Variants in TLE4 observed in about 807,000 individuals in gnomAD.
The protein encoded by TLE4 is TLE family member 4, transcriptional corepressor.
In TLE4, 8 loss-of-function variants were observed where a neutral mutation model predicts 92.8. The ratio of observed to expected loss-of-function variants is 0.09; its 90% CI spans 0.05 to 0.16. TLE4 has a LOEUF of 0.16. Ranked by LOEUF, TLE4 falls within the 10% of genes least tolerant of loss-of-function variation. The pLI is 1.00. For missense variants in TLE4, 675 were observed against 997.6 expected (o/e 0.68, Z 4.36); for synonymous variants, 371 against 374.1 (o/e 0.99, Z 0.10).
At chr9:79,713,171 C>T (rs1209561858) in intron 14 of TLE4, among the ~76,000 whole-genome samples, 2 of 152,116 alleles carry the variant, frequency 1.3e-5, no homozygotes, top group Admixed American at 6.5e-5. Context: ...GTACTGTGCG[C>T]GTGAGAGATG....
chr9:79,581,812 G>C (rs1279237705), intron 4 of TLE4, among the ~76,000 whole-genome samples: 1 of 152,118 alleles, frequency 6.6e-6, no homozygotes, highest in Non-Finnish European at 1.5e-5. Flanking sequence ...CTGAACTTTA[G>C]GCTCATACGC....
At chr9:79,636,124 T>C (rs980694800) in intron 6 of TLE4, among the ~76,000 whole-genome samples, 8 of 152,000 alleles carry the variant, frequency 5.3e-5, no homozygotes, top group Admixed American at 1.3e-4. Flanking sequence ...TCTTATAAAA[T>C]AGAAATAGGA....
At chr9:79,591,423 G>T (rs1237779479) in intron 4 of TLE4, among the ~76,000 whole-genome samples, 3 of 152,164 alleles carry the variant, frequency 2.0e-5, no homozygotes, top group African/African-American at 7.2e-5. Flanking sequence ...GAATAATTGG[G>T]AATATAGGTT....
At chr9:79,637,720 T>C (rs1462274925) in intron 6 of TLE4, among the ~76,000 whole-genome samples, 1 of 152,196 alleles carries the variant, frequency 6.6e-6, no homozygotes, top group East Asian at 1.9e-4. Flanking sequence ...AACTGAAAGT[T>C]GTTATAAACA....
At chr9:79,635,132 T>C (rs556683231) in intron 6 of TLE4, among the ~76,000 whole-genome samples, 25 of 152,314 alleles carry the variant, frequency 1.6e-4, no homozygotes, top group South Asian at 1.0e-3. Context: ...TTGTCTGCAC[T>C]TGGAATTACA....
intron 6 of TLE4, among the ~76,000 whole-genome samples, chr9:79,636,129 A>G (rs978975957): frequency 6.6e-6 from 1 of 152,074 alleles, no homozygotes; most frequent in African/African-American, 2.4e-5. Context: ...TAAAATAGAA[A>G]TAGGATCTAT....
chr9:79,609,670 A>G (rs982567239), intron 4 of TLE4, among the ~76,000 whole-genome samples: 9 of 152,030 alleles, frequency 5.9e-5, no homozygotes, highest in African/African-American at 2.2e-4. Flanking sequence ...TGTTAATGCT[A>G]TTTTAGAATA....
At chr9:79,573,907 T>C in intron 2 of TLE4, 121 bp downstream of exon 2, 2 of 621,298 alleles carry the variant, frequency 3.2e-6, no homozygotes, top group Non-Finnish European at 4.9e-6. Context: ...TTATTTTTTT[T>C]TCTCGGTGGG....
At chr9:79,602,958 A>C (rs901587425) in intron 4 of TLE4, among the ~76,000 whole-genome samples, 3 of 151,924 alleles carry the variant, frequency 2.0e-5, no homozygotes, top group African/African-American at 7.3e-5. Flanking sequence ...GTTGATTCCA[A>C]CCCTCATGGA....
At chr9:79,606,379 T>G (rs1482495606) in intron 4 of TLE4, among the ~76,000 whole-genome samples, 3 of 150,132 alleles carry the variant, frequency 2.0e-5, no homozygotes, top group Non-Finnish European at 3.0e-5. Context: ...GTGTGTTTTT[T>G]TTTTTTTTTT....
At chr9:79,612,862 C>T (rs1422526968) in intron 5 of TLE4, 144 bp downstream of exon 5, 1 of 678,896 alleles carries the variant, frequency 1.5e-6, no homozygotes, top group African/African-American at 1.8e-5. Flanking sequence ...AGTGTTCTCA[C>T]TCCAACTTGT....
At chr9:79,644,724 C>G (rs1457036816) in intron 6 of TLE4, among the ~76,000 whole-genome samples, 2 of 152,262 alleles carry the variant, frequency 1.3e-5, no homozygotes, top group East Asian at 3.8e-4. Context: ...GGGCCCTTCC[C>G]TGTGCTTGCT....
rs2035999713 is a variant in TLE4, at chr9:79,572,108, G to A, written c.-683G>A. The stretch of plus-strand genomic sequence containing the variant: ...AGAATTAAAAAAAAAAGCCGCAAGC[G>A]TTTCACTCTTTTATTTTTATAATCC... On this transcript the variant is annotated 5_prime_UTR_variant, in exon 1 of 20. Transcript: ENST00000376552. 1 of 151,540 alleles carries A rather than the reference G, an allele frequency of 6.6e-6. No individual in the cohort carries two copies. Among genetic ancestry groups the A allele is most frequent in the Non-Finnish European group, 1.5e-5 (1 of 67,944 alleles). 9.4% of individuals were successfully genotyped at this position (151,540 alleles called of 1,614,324 possible). A position where few individuals can be genotyped will look rare whatever the true frequency, so the allele number is the denominator to read the frequency against.
chr9:79,573,294 G>C (rs1221124351), intron 1 of TLE4: 3 of 1,031,430 alleles, frequency 2.9e-6, no homozygotes, highest in Admixed American at 1.2e-4. Context: ...GGTGGCGGCC[G>C]CCTCCCTCCT....
chr9:79,595,932 T>C (rs373176660), intron 4 of TLE4, among the ~76,000 whole-genome samples: 228 of 151,712 alleles, frequency 1.5e-3, no homozygotes, highest in African/African-American at 5.0e-3. Flanking sequence ...CTGCAGGCTC[T>C]GCCTCCCGGG....
At chr9:79,672,635 G>T (rs946595884) in intron 8 of TLE4, among the ~76,000 whole-genome samples, 1 of 152,130 alleles carries the variant, frequency 6.6e-6, no homozygotes, top group African/African-American at 2.4e-5. Context: ...CCTTTGTGGG[G>T]TCAGCTGTGC....
At chr9:79,631,457 C>G (rs1002941849) in intron 6 of TLE4, among the ~76,000 whole-genome samples, 15 of 152,126 alleles carry the variant, frequency 9.9e-5, no homozygotes, top group Admixed American at 8.5e-4. Context: ...ACTATTAAAT[C>G]TATTTAAATA....
intron 8 of TLE4, among the ~76,000 whole-genome samples, chr9:79,680,364 A>T (rs1173056154): frequency 6.6e-6 from 1 of 152,128 alleles, no homozygotes; most frequent in Non-Finnish European, 1.5e-5. Flanking sequence ...TAGGTATTTT[A>T]TTCCCTTTGA....
chr9:79,674,531 G>A lies in TLE4; in HGVS notation c.609+20456G>A, dbSNP rs1022352503. ...GCCCCAGCAAGGGGCCTGCCACGTA[G>A]GAAAATACTTAAGATTATAGGAGCT... On this transcript the variant is annotated intron_variant, in intron 8 of 19. Transcript: ENST00000376552. Among the ~76,000 whole-genome samples, 7 of 152,210 alleles carry A rather than the reference G, an allele frequency of 4.6e-5. No homozygotes were observed. The East Asian group carries it at 7.7e-4, about 17-fold the overall frequency.
Sources: allele counts gnomAD v4.1 joint callset (sites outside exome capture counted in the v4.1 genomes callset), GRCh38; gene constraint gnomAD v4.1.1; transcripts MANE v1.5; gene names NCBI Gene and HGNC (gene_info 2026-07-23, HGNC 2026-07-21).